Variants in LMO3 observed in about 807,000 individuals in gnomAD.
LMO3 encodes the protein LIM domain only 3.
Under a neutral mutation model 15.8 loss-of-function variants are expected in LMO3, and 2 were observed. The ratio of observed to expected loss-of-function variants is 0.13; its 90% CI spans 0.05 to 0.40. LMO3 has a LOEUF of 0.40. Ranked by LOEUF, LMO3 falls within the 10% of genes least tolerant of loss-of-function variation. LMO3 has a pLI of 0.99. For synonymous variants in LMO3, 62 were observed against 63.8 expected (o/e 0.97, Z 0.13); for missense variants, 86 against 182.2 (o/e 0.47, Z 3.04).
rs1454286761 is a variant in LMO3 at position 16,600,539 on chromosome 12, T to C, written c.206+116A>G. ...AACGCTTTGAAGGCTGACAGGTAAC[T>C]TCTTTCAGGAATATAAGCTGGCAGT... On this transcript the variant is annotated intron_variant, in intron 2 of 3. Transcript: ENST00000537304. The C allele has an allele frequency of 3.5e-6, 3 of 857,162 alleles. No homozygotes were observed. In the Admixed American group the frequency reaches 6.9e-5, roughly 20 times the overall value. 53.1% of individuals were successfully genotyped at this position (857,162 alleles called of 1,614,324 possible). A position where few individuals can be genotyped will look rare whatever the true frequency, so the allele number is the denominator to read the frequency against.
intron 1 of LMO3, chr12:16,605,659 A>T: frequency 8.9e-7 from 1 of 1,122,568 alleles, no homozygotes; most frequent in South Asian, 1.4e-5. Context: ...GGCTGGGAGC[A>T]AACACTTCCT....
rs1016514406 is a variant in LMO3, at chr12:16,589,795, A to G, written c.206+10860T>C. Among the ~76,000 whole-genome samples the G allele has an allele frequency of 6.6e-6, 1 of 152,112 alleles. No individual in the cohort carries two copies. The highest frequency in any genetic ancestry group is 2.4e-5 in the African/African-American group (1 of 41,422). On this transcript the variant is annotated intron_variant, in intron 2 of 3. Coordinates refer to ENST00000537304, the MANE Select transcript of LMO3 (RefSeq NM_018640.5). This position sits in a 1 kb window ranked among gnomAD's most constrained non-coding sequence, Gnocchi z 4.2. Reference sequence around the variant, plus strand: ...TTCCTCAACTCAATCTGGACAAGAAAAGCATCTGCCAGGAAGAACAGAGGG... The same window carrying G: ...TTCCTCAACTCAATCTGGACAAGAAGAGCATCTGCCAGGAAGAACAGAGGG...
rs536520348 is a variant in LMO3, at chr12:16,564,501, C to G, written c.207-3963G>C. ...CAAGACATATACTCATTTAACATAG[C>G]AATAATGAATGTGGTTTACTACAGG... On this transcript the variant is annotated intron_variant, in intron 2 of 3. Coordinates refer to ENST00000537304, the MANE Select transcript of LMO3 (RefSeq NM_018640.5). 7.9e-5 allele frequency among the ~76,000 whole-genome samples: 12 copies of G among 152,234 alleles called. No individual in the cohort carries two copies. The East Asian group carries it at 2.3e-3, about 29-fold the overall frequency.
chr12:16,586,365 T>C lies in LMO3; in HGVS notation c.206+14290A>G, dbSNP rs985659648. Among the ~76,000 whole-genome samples the C allele has an allele frequency of 6.6e-6, 1 of 152,170 alleles. No homozygotes were observed. The highest frequency in any genetic ancestry group is 1.5e-5 in the Non-Finnish European group (1 of 68,040). Reference sequence around the variant, plus strand: ...AACACGTGCATGAATGGAGAACCACTGCATGGCTGTGGCAAGGAGAGCGGA... The same window carrying C: ...AACACGTGCATGAATGGAGAACCACCGCATGGCTGTGGCAAGGAGAGCGGA... On this transcript the variant is annotated intron_variant, in intron 2 of 3. Transcript: ENST00000537304. The surrounding 1 kb of genome is among the most constrained non-coding windows in gnomAD (Gnocchi z 4.3).
intron 2 of LMO3, among the ~76,000 whole-genome samples, chr12:16,564,316 G>C (rs1942513603): frequency 6.6e-6 from 1 of 152,152 alleles, no homozygotes; most frequent in Non-Finnish European, 1.5e-5. Flanking sequence ...CAAGAACTAA[G>C]ACAAAACAAG....
chr12:16,550,451 A>C lies in LMO3; in HGVS notation c.*771T>G, dbSNP rs527817041. 1 of 152,604 alleles carries C rather than the reference A, an allele frequency of 6.6e-6. No homozygotes were observed. Among genetic ancestry groups the C allele is most frequent in the Non-Finnish European group, 1.5e-5 (1 of 67,892 alleles). The allele number at this position is 152,604 out of a possible 1,614,324, so 9.5% of individuals were successfully genotyped here. A position where few individuals can be genotyped will look rare whatever the true frequency, so the allele number is the denominator to read the frequency against. ...CCATTGTGTAAGTAAAGAGCACACA[A>C]AAAAAGGATATTAAAAGGAAACCTG... On this transcript the variant is annotated 3_prime_UTR_variant, in exon 4 of 4. Transcript: ENST00000537304.
At position 16,576,474 on chromosome 12, in the gene LMO3, T is replaced by C. The variant is rs1051943076; in HGVS notation, c.207-15936A>G. Among the ~76,000 whole-genome samples the C allele has an allele frequency of 5.3e-5, 8 of 152,284 alleles. No individual in the cohort carries two copies. The highest frequency in any genetic ancestry group is 1.4e-4 in the African/African-American group (6 of 41,558). On this transcript the variant is annotated intron_variant, in intron 2 of 3. Coordinates refer to ENST00000537304, the MANE Select transcript of LMO3 (RefSeq NM_018640.5). The surrounding 1 kb of genome is among the most constrained non-coding windows in gnomAD (Gnocchi z 4.1). ...CATATTCAGATCAAATGTCAATGGA[T>C]CTATGAAGCCTCTCTGATTTCCTTG...
intron 2 of LMO3, chr12:16,594,231 G>T (rs893838837): frequency 6.5e-7 from 1 of 1,532,238 alleles, no homozygotes; most frequent in Non-Finnish European, 8.7e-7. Flanking sequence ...TGTGCAGCAT[G>T]TATGTATATA....
intron 1 of LMO3, chr12:16,605,450 C>G: frequency 2.7e-6 from 2 of 748,672 alleles, no homozygotes; most frequent in Non-Finnish European, 3.2e-6. Flanking sequence ...CCCCCCCCCG[C>G]CCCCATGCCC....
In LMO3 at chr12:16,605,436, G is replaced by GCCCCCCCCCCC. The variant is rs56405071; in HGVS notation, c.-9+619_-9+629dup. 9.9e-5 allele frequency: 37 copies of GCCCCCCCCCCC among 372,664 alleles called. 1 individual carries two copies. The highest frequency in any genetic ancestry group is 4.9e-4 in the South Asian group (4 of 8,112). The allele number at this position is 372,664 out of a possible 1,614,324, so 23.1% of individuals were successfully genotyped here. A position where few individuals can be genotyped will look rare whatever the true frequency, so the allele number is the denominator to read the frequency against. On this transcript the variant is annotated intron_variant, in intron 1 of 3. Coordinates refer to ENST00000537304, the MANE Select transcript of LMO3 (RefSeq NM_018640.5). ...TAGCCACTTCTGCCCCTACCCGCCT[G>GCCCCCCCCCCC]CCCCCCCCCCCCGCCCCCATGCCCA...
Position 16,549,877 on chromosome 12 carries a change from A to G in LMO3, c.*1345T>C, listed in dbSNP as rs1941922204. On this transcript the variant is annotated 3_prime_UTR_variant, in exon 4 of 4. Transcript: ENST00000537304. The stretch of plus-strand genomic sequence containing the variant: ...TTTCTTCTTTGTATGCTATCACGTA[A>G]GGTAGTACTATTTCACCTTAAAAAA... 1 of 152,082 alleles carries G rather than the reference A, an allele frequency of 6.6e-6. No homozygotes were observed. Among genetic ancestry groups the G allele is most frequent in the Non-Finnish European group, 1.5e-5 (1 of 67,976 alleles). 9.4% of individuals were successfully genotyped at this position (152,082 alleles called of 1,614,324 possible).
In LMO3 at chr12:16,559,024, C is replaced by T. The variant is rs1942295016; in HGVS notation, c.332+1389G>A. ...TGCTGAAATTTGAATCCCGTTCTCA[C>T]TAGAAATGTCACATTCTTTCTACTA... On this transcript the variant is annotated intron_variant, in intron 3 of 3. Transcript: ENST00000537304. The surrounding 1 kb of genome is among the most constrained non-coding windows in gnomAD (Gnocchi z 4.1). Among the ~76,000 whole-genome samples the T allele has an allele frequency of 2.0e-5, 3 of 152,124 alleles. No individual in the cohort carries two copies. The South Asian group carries it at 6.2e-4, about 32-fold the overall frequency.
In LMO3 at chr12:16,605,443, C is replaced by A. The variant is rs1451583369; in HGVS notation, c.-9+623G>T. Reference sequence around the variant, plus strand: ...TTCTGCCCCTACCCGCCTGCCCCCCCCCCCCGCCCCCATGCCCAAACACAG... The same window carrying A: ...TTCTGCCCCTACCCGCCTGCCCCCCACCCCCGCCCCCATGCCCAAACACAG... On this transcript the variant is annotated intron_variant, in intron 1 of 3. Coordinates refer to ENST00000537304, the MANE Select transcript of LMO3 (RefSeq NM_018640.5). 1.2e-5 allele frequency: 9 copies of A among 757,626 alleles called. No homozygotes were observed. The East Asian group carries it at 5.9e-4, about 50-fold the overall frequency. 46.9% of individuals were successfully genotyped at this position (757,626 alleles called of 1,614,324 possible).
At chr12:16,566,078 C>T (rs1942601237) in intron 2 of LMO3, among the ~76,000 whole-genome samples, 1 of 124,466 alleles carries the variant, frequency 8.0e-6, no homozygotes, top group Non-Finnish European at 1.6e-5. Flanking sequence ...AGAATGAAAT[C>T]CTGTCATTTG....
chr12:16,596,843 A>G lies in LMO3; in HGVS notation c.206+3812T>C, dbSNP rs550018630. The stretch of plus-strand genomic sequence containing the variant: ...TTTTAATCTACTTTAGACAATATCA[A>G]TTTTAAGCTCCAACTTAAAGTACAA... On this transcript the variant is annotated intron_variant, in intron 2 of 3. Transcript: ENST00000537304. The surrounding 1 kb of genome is among the most constrained non-coding windows in gnomAD (Gnocchi z 4.3). Among the ~76,000 whole-genome samples, 10 of 151,868 alleles carry G rather than the reference A, an allele frequency of 6.6e-5. No individual in the cohort carries two copies. The highest frequency in any genetic ancestry group is 1.9e-4 in the African/African-American group (8 of 41,538).
Position 16,566,940 on chromosome 12 carries a change from GT to G in LMO3, c.207-6403del, listed in dbSNP as rs570467587. On this transcript the variant is annotated intron_variant, in intron 2 of 3. Transcript: ENST00000537304. Reference sequence around the variant, plus strand: ...AACTACCAAAAGCCCATGCTACATAGTCATATATATATATGTTAAAAACTAC... The same window carrying G: ...AACTACCAAAAGCCCATGCTACATAGCATATATATATATGTTAAAAACTAC... 5.3e-5 allele frequency among the ~76,000 whole-genome samples: 8 copies of G among 152,262 alleles called. No individual in the cohort carries two copies. The East Asian group carries it at 1.5e-3, about 29-fold the overall frequency.
At chr12:16,605,986 A>G (rs920565013) in intron 1 of LMO3, 80 bp downstream of exon 1, 9 of 642,576 alleles carry the variant, frequency 1.4e-5, no homozygotes, top group Non-Finnish European at 2.4e-5. Context: ...AAATACCCAC[A>G]TCCGCACACG....
At chr12:16,606,032 A>G (rs943032963) in intron 1 of LMO3, 34 bp downstream of exon 1, 3 of 593,742 alleles carry the variant, frequency 5.1e-6, no homozygotes, top group Non-Finnish European at 9.0e-6. Context: ...ACCACAAATA[A>G]GCCGACGCGT....
At chr12:16,556,777 C>T (rs980511490) in intron 3 of LMO3, among the ~76,000 whole-genome samples, 1 of 152,092 alleles carries the variant, frequency 6.6e-6, no homozygotes. Flanking sequence ...AATTTGTCTG[C>T]TTTGCTTGAC....
Sources: gnomAD v4.1 joint callset for allele counts (sites outside exome capture counted in the v4.1 genomes callset) on GRCh38, gnomAD v4.1.1 for gene constraint, Gnocchi (gnomAD v3.1) non-coding constraint, MANE v1.5 for transcripts, NCBI Gene and HGNC (gene_info 2026-07-23, HGNC 2026-07-21) for gene names.